Variants in MACROD2 observed in about 807,000 individuals in gnomAD.
MACROD2 encodes the protein ADP-ribose glycohydrolase MACROD2.
In MACROD2, 36 loss-of-function variants were observed where a neutral mutation model predicts 70.4. The observed-to-expected ratio is 0.51, with a 90% CI of 0.39 to 0.68. The LOEUF is 0.68. Among genes scored for constraint, MACROD2 ranks in the 30% least tolerant of loss-of-function variants. The probability of loss-of-function intolerance (pLI) is 0.00; values close to 1 mark genes in which losing one functional copy is unlikely to be tolerated. For synonymous variants in MACROD2, 172 were observed against 178.8 expected, an observed-to-expected ratio of 0.96 and a Z score of 0.30; for missense variants, 496 against 538.4, an observed-to-expected ratio of 0.92 and a Z score of 0.78.
chr20:14,081,065 C>T (rs1352656362), intron 2 of MACROD2, among the ~76,000 whole-genome samples: 2 of 152,202 alleles, frequency 1.3e-5, no homozygotes, highest in Admixed American at 6.5e-5. Context: ...GCAATACCTG[C>T]GTAGCCCAGT....
chr20:14,310,366 AGGACATTTT>A (rs138587109), intron 3 of MACROD2, among the ~76,000 whole-genome samples: 3,303 of 152,276 alleles, frequency 0.022, 39 homozygotes, highest in East Asian at 0.025. Context: ...GTGCTGCATA[AGGACATTTT>A]GACCAATGAT....
At chr20:14,962,706 CTCT>C (rs1020034543) in intron 5 of MACROD2, among the ~76,000 whole-genome samples, 21 of 151,404 alleles carry the variant, frequency 1.4e-4, no homozygotes, top group African/African-American at 3.2e-4. Context: ...CTTTCTTATT[CTCT>C]TCTTTTTTTT....
intron 6 of MACROD2, among the ~76,000 whole-genome samples, chr20:15,328,696 A>G (rs1174587388): frequency 1.3e-5 from 2 of 152,074 alleles, no homozygotes; most frequent in Admixed American, 1.3e-4. Context: ...ACATTAACAC[A>G]CCACATTATA....
intron 8 of MACROD2, among the ~76,000 whole-genome samples, chr20:15,720,032 A>G (rs546175422): frequency 4.0e-4 from 61 of 152,296 alleles, no homozygotes; most frequent in African/African-American, 1.4e-3. Context: ...GCTCCTACAT[A>G]TGAATGAGAA....
chr20:14,996,992 A>G (rs1053136657), intron 5 of MACROD2, among the ~76,000 whole-genome samples: 2 of 152,198 alleles, frequency 1.3e-5, no homozygotes, highest in East Asian at 3.9e-4. Context: ...ATTCCTGGGC[A>G]AGCCCTGGTG....
At chr20:14,468,307 A>G (rs759799071) in intron 3 of MACROD2, among the ~76,000 whole-genome samples, 2 of 151,878 alleles carry the variant, frequency 1.3e-5, no homozygotes, top group Non-Finnish European at 2.9e-5. Flanking sequence ...TATTGGGTGC[A>G]TATATATTTA....
chr20:14,718,292 C>CAAAAAAAAAAAAAAAAAAA (rs11358439), intron 5 of MACROD2, among the ~76,000 whole-genome samples: 10 of 54,640 alleles, frequency 1.8e-4, no homozygotes, highest in Admixed American at 3.4e-4. Context: ...GACTCTGTCT[C>CAAAAAAAAAAAAAAAAAAA]AAAAAAAAAA....
chr20:14,438,011 A>G (rs1437175965), intron 3 of MACROD2, among the ~76,000 whole-genome samples: 2 of 152,214 alleles, frequency 1.3e-5, no homozygotes, highest in African/African-American at 4.8e-5. Flanking sequence ...GCTATTAACT[A>G]TAATCCTCAT....
At position 15,207,298 on chromosome 20, in the gene MACROD2, T is replaced by TC. The variant is rs557464507; in HGVS notation, c.419-22637dup. On this transcript the variant is annotated intron_variant, in intron 5 of 17. Coordinates refer to ENST00000684519, the MANE Select transcript of MACROD2 (RefSeq NM_001351661.2). ...TCCTTTGTCTGAGAATGTCTTCATT[T>TC]CCCCCTTCATTCCTGAAGGATAAGT... 2.0e-4 allele frequency among the ~76,000 whole-genome samples: 31 copies of TC among 152,244 alleles called. No individual in the cohort carries two copies. In the South Asian group the frequency reaches 6.2e-3, roughly 31 times the overall value.
At chr20:15,245,142 C>A (rs901609773) in intron 6 of MACROD2, among the ~76,000 whole-genome samples, 1 of 152,182 alleles carries the variant, frequency 6.6e-6, no homozygotes, top group African/African-American at 2.4e-5. Flanking sequence ...TTCATGCCTT[C>A]ATTTATTTTA....
intron 3 of MACROD2, among the ~76,000 whole-genome samples, chr20:14,331,028 G>A (rs2082826728): frequency 6.6e-6 from 1 of 152,026 alleles, no homozygotes; most frequent in African/African-American, 2.4e-5. Flanking sequence ...AAAATAACAA[G>A]TGAGAACCTG....
chr20:15,755,068 G>T (rs958694966), intron 8 of MACROD2, among the ~76,000 whole-genome samples: 1 of 152,004 alleles, frequency 6.6e-6, no homozygotes, highest in Non-Finnish European at 1.5e-5. Context: ...CATGTTGGCC[G>T]GGCTGGTCTT....
intron 2 of MACROD2, among the ~76,000 whole-genome samples, chr20:14,006,064 G>T (rs902240711): frequency 2.6e-5 from 4 of 152,036 alleles, no homozygotes; most frequent in Non-Finnish European, 5.9e-5. Flanking sequence ...GTTTACGTAG[G>T]TTTAAATACA....
chr20:15,960,651 C>T (rs2066046552), intron 12 of MACROD2, among the ~76,000 whole-genome samples: 1 of 152,042 alleles, frequency 6.6e-6, no homozygotes, highest in Non-Finnish European at 1.5e-5. Context: ...GACTCCGTTC[C>T]CCTAAGAGAT....
At chr20:15,932,445 T>G (rs1386632066) in intron 10 of MACROD2, among the ~76,000 whole-genome samples, 3 of 152,232 alleles carry the variant, frequency 2.0e-5, no homozygotes, top group Non-Finnish European at 4.4e-5. Context: ...TGTGGCCATC[T>G]TTAACCCACA....
At chr20:14,015,882 A>G (rs2052983114) in intron 2 of MACROD2, among the ~76,000 whole-genome samples, 1 of 152,222 alleles carries the variant, frequency 6.6e-6, no homozygotes, top group East Asian at 1.9e-4. Context: ...TAACTGTTGG[A>G]TATTTGGGTT....
intron 5 of MACROD2, among the ~76,000 whole-genome samples, chr20:14,969,310 T>C (rs1476805507): frequency 6.6e-6 from 1 of 151,008 alleles, no homozygotes; most frequent in Non-Finnish European, 1.5e-5. Context: ...ATTTTTTCCA[T>C]AGGAAAAACT....
chr20:15,045,744 T>TTTC (rs11482249), intron 5 of MACROD2, among the ~76,000 whole-genome samples: 3 of 134,660 alleles, frequency 2.2e-5, no homozygotes, highest in Admixed American at 1.5e-4. Context: ...TTTTTTTTTT[T>TTTC]CCCTTTCTGA....
intron 8 of MACROD2, among the ~76,000 whole-genome samples, chr20:15,591,664 T>C (rs946271627): frequency 6.6e-6 from 1 of 151,410 alleles, no homozygotes; most frequent in Non-Finnish European, 1.5e-5. Flanking sequence ...TACTAGTGAT[T>C]TCTGACTTTT....
Sources: allele counts gnomAD v4.1 joint callset (sites outside exome capture counted in the v4.1 genomes callset), GRCh38; gene constraint gnomAD v4.1.1; transcripts MANE v1.5; gene names NCBI Gene and HGNC (gene_info 2026-07-23, HGNC 2026-07-21).